The following STOX1 variants were observed in gnomAD, a reference collection of about 807,000 sequenced individuals.
The protein encoded by STOX1 is storkhead-box protein 1.
A neutral mutation model predicts 74.8 loss-of-function variants in STOX1; 57 were observed. The observed-to-expected ratio is 0.76, with a 90% CI of 0.62 to 0.95. The LOEUF (loss-of-function observed/expected upper bound fraction) is 0.95, where lower values mean the gene tolerates loss of function less well. Among genes scored for constraint, STOX1 ranks in the 40% least tolerant of loss-of-function variants. The probability of loss-of-function intolerance (pLI) is 0.00; values close to 1 mark genes in which losing one functional copy is unlikely to be tolerated. For missense variants in STOX1, 1,010 were observed against 1,117.0 expected (o/e 0.90, Z 1.37); for synonymous variants, 375 against 401.3 (o/e 0.93, Z 0.78).
chr10:68,856,099 G>C (rs1460788116), intron 1 of STOX1, among the ~76,000 whole-genome samples: 2 of 152,094 alleles, frequency 1.3e-5, no homozygotes, highest in East Asian at 3.9e-4. Context: ...CAGGGTAGCA[G>C]GTTGGGAGAG....
chr10:68,887,343 C>T (rs1189942166), intron 3 of STOX1, among the ~76,000 whole-genome samples: 1 of 151,586 alleles, frequency 6.6e-6, no homozygotes, highest in African/African-American at 2.4e-5. Context: ...AGTGCAATGG[C>T]GTGATCTCGG....
chr10:68,888,802 ATTTTTTTTTTTTTTT>A (rs35174437), intron 3 of STOX1, among the ~76,000 whole-genome samples: 12 of 32,066 alleles, frequency 3.7e-4, no homozygotes, highest in Admixed American at 2.9e-3. Context: ...TGCCCAGCTA[ATTTTTTTTTTTTTTT>A]TTTTTTTTTT....
At position 68,886,130 on chromosome 10, in the gene STOX1, T is replaced by C; in HGVS notation, c.2334T>C (p.Ser778=). 6.2e-7 allele frequency: 1 copy of C among 1,614,186 alleles called. No homozygotes were observed. Among genetic ancestry groups the C allele is most frequent in the Non-Finnish European group, 8.5e-7 (1 of 1,180,038 alleles). The change falls in exon 3 of 4, where the codon TCT becomes TCC. Residue 778 remains serine (S), a synonymous_variant. Transcript: ENST00000298596. ...HLGKQKVIER[S]LTEYNSTMER... ...GAAAACAAAAAGTGATTGAGAGATC[T>C]CTGACCGAGTACAACAGCACAATGG...
Position 68,827,717 on chromosome 10 carries a change from G to T in STOX1, c.94G>T (p.Gly32Cys). ...QKAAGAAEEPGGRAVFRAFRR... is the reference protein window; with the variant it reads ...QKAAGAAEEPCGRAVFRAFRR... ...GGCGGCGGGGGCCGCGGAGGAGCCT[G>T]GTGGGCGCGCGGTGTTCCGCGCTTT... The change falls in exon 1 of 4, where the codon GGT becomes TGT. Residue 32 changes from glycine (G) to cysteine (C), a missense_variant. Transcript: ENST00000298596. 1.1e-6 allele frequency: 1 copy of T among 894,852 alleles called. No individual in the cohort carries two copies. Among genetic ancestry groups the T allele is most frequent in the Non-Finnish European group, 1.4e-6 (1 of 720,156 alleles). The allele number at this position is 894,852 out of a possible 1,614,324, so 55.4% of individuals were successfully genotyped here. A position where few individuals can be genotyped will look rare whatever the true frequency, so the allele number is the denominator to read the frequency against.
intron 1 of STOX1, among the ~76,000 whole-genome samples, chr10:68,869,976 C>A (rs1259288435): frequency 2.0e-5 from 3 of 152,128 alleles, no homozygotes; most frequent in South Asian, 4.1e-4. Context: ...AGAGCAGAAT[C>A]TGGATTAGAA....
chr10:68,853,914 ACCTCAGGTGATATG>A, intron 1 of STOX1, among the ~76,000 whole-genome samples: 1 of 151,096 alleles, frequency 6.6e-6, no homozygotes, highest in East Asian at 1.9e-4. Context: ...CAAACTCCCG[ACCTCAGGTGATATG>A]CCTGTCTTGG....
At position 68,884,399 on chromosome 10, in the gene STOX1, A is replaced by G. The variant is rs1840885255; in HGVS notation, c.603A>G (p.Glu201=). The G allele has an allele frequency of 6.2e-7, 1 of 1,614,052 alleles. No homozygotes were observed. Among genetic ancestry groups the G allele is most frequent in the African/African-American group, 1.3e-5 (1 of 74,946 alleles). ...TYFITNTTTQ[E]NKRMLPSDES... is the part of the protein sequence containing the mutation. ...TCATTACAAATACAACCACCCAGGA[A>G]AATAAGAGAATGCTGCCATCAGATG... is the stretch of plus-strand genomic sequence containing the variant. The change falls in exon 3 of 4, where the codon GAA becomes GAG. Residue 201 remains glutamate (E), a synonymous_variant. Transcript: ENST00000298596.
chr10:68,882,145 C>CTGTATG (rs539288079), intron 2 of STOX1, 35 bp downstream of exon 2: 279 of 1,594,938 alleles, frequency 1.7e-4, no homozygotes, highest in Non-Finnish European at 2.3e-4. Context: ...TTGTACTTCA[C>CTGTATG]TGTATGTGTT....
chr10:68,883,568 C>T (rs1840863475), intron 2 of STOX1, among the ~76,000 whole-genome samples: 1 of 152,064 alleles, frequency 6.6e-6, no homozygotes, highest in Admixed American at 6.6e-5. Flanking sequence ...CACCCGCCAC[C>T]ATGCCCTGCT....
At chr10:68,844,641 GA>G (rs1286275942) in intron 1 of STOX1, among the ~76,000 whole-genome samples, 1 of 152,040 alleles carries the variant, frequency 6.6e-6, no homozygotes, top group Non-Finnish European at 1.5e-5. Flanking sequence ...TTTTGCCCAT[GA>G]AAAAAGTTTT....
In STOX1 at chr10:68,885,501, C is replaced by A; in HGVS notation, c.1705C>A (p.Pro569Thr). 6.2e-7 allele frequency: 1 copy of A among 1,614,134 alleles called. No individual in the cohort carries two copies. Among genetic ancestry groups the A allele is most frequent in the Non-Finnish European group, 8.5e-7 (1 of 1,180,038 alleles). Residue 569 changes from proline to threonine, a missense_variant, in exon 3 of 4, where the codon CCT (proline) becomes ACT (threonine). By Grantham distance (38) the Pro-to-Thr change is conservative. Coordinates refer to ENST00000298596, the MANE Select transcript of STOX1 (RefSeq NM_152709.5). ...AGCAGAATCCATTTACATAAATGAC[C>A]CTACTGTCAAACCCATCAATGATGA... ...MEAESIYINDPTVKPINDDFR... is the reference protein window; with the variant it reads ...MEAESIYINDTTVKPINDDFR...
At chr10:68,833,071 C>T (rs910904853) in intron 1 of STOX1, among the ~76,000 whole-genome samples, 3 of 148,018 alleles carry the variant, frequency 2.0e-5, no homozygotes, top group African/African-American at 7.5e-5. Flanking sequence ...TGCCTAGCCA[C>T]TTCTGTGGGT....
intron 1 of STOX1, among the ~76,000 whole-genome samples, chr10:68,855,207 G>A (rs1428374960): frequency 1.4e-5 from 2 of 146,920 alleles, no homozygotes; most frequent in Non-Finnish European, 3.0e-5. Flanking sequence ...TGCAACCTCC[G>A]TCTCCTGGGT....
intron 1 of STOX1, chr10:68,847,033 CTG>C (rs1412078629): frequency 6.6e-6 from 1 of 152,156 alleles, no homozygotes; most frequent in Admixed American, 6.5e-5. Flanking sequence ...GTTTCTAATT[CTG>C]TTACAAATGT....
At chr10:68,872,842 CCAAGAG>C (rs1291333607) in intron 1 of STOX1, among the ~76,000 whole-genome samples, 1 of 151,888 alleles carries the variant, frequency 6.6e-6, no homozygotes, top group Non-Finnish European at 1.5e-5. Context: ...AATTTAAATT[CCAAGAG>C]CAGACCCTCT....
chr10:68,886,621 A>G lies in STOX1; in HGVS notation c.2822+3A>G. ...GATAGTGGAATAGATTCTCCACGGT[A>G]GGTCCATACAAAAGTGTCTGATTTA... is the stretch of plus-strand genomic sequence containing the variant. On this transcript the variant is annotated splice_donor_region_variant and intron_variant, in intron 3 of 3. Coordinates refer to ENST00000298596, the MANE Select transcript of STOX1 (RefSeq NM_152709.5). 1 of 1,613,756 alleles carries G rather than the reference A, an allele frequency of 6.2e-7. No individual in the cohort carries two copies. Among genetic ancestry groups the G allele is most frequent in the Non-Finnish European group, 8.5e-7 (1 of 1,179,862 alleles).
Position 68,885,551 on chromosome 10 carries a change from C to A in STOX1, c.1755C>A (p.His585Gln). ...ACTTCAGAGGTCACCTCTTCAGTCA[C>A]CCTCAACAGAGCATGTTGCAAAATG... ...NDDFRGHLFSHPQQSMLQNDG... is the reference protein window; with the variant it reads ...NDDFRGHLFSQPQQSMLQNDG... The change falls in exon 3 of 4, where the codon CAC (histidine) becomes CAA (glutamine). Residue 585 changes from histidine (H) to glutamine (Q), a missense_variant. By Grantham distance (24) the His-to-Gln change is conservative. Coordinates refer to ENST00000298596, the MANE Select transcript of STOX1 (RefSeq NM_152709.5). 6.2e-7 allele frequency: 1 copy of A among 1,614,188 alleles called. No homozygotes were observed. Among genetic ancestry groups the A allele is most frequent in the South Asian group, 1.1e-5 (1 of 91,082 alleles).
chr10:68,884,368 C>A lies in STOX1; in HGVS notation c.572C>A (p.Thr191Asn), dbSNP rs746129386. 7 of 1,614,132 alleles carry A rather than the reference C, an allele frequency of 4.3e-6. No homozygotes were observed. Among genetic ancestry groups the A allele is most frequent in the African/African-American group, 2.7e-5 (2 of 75,052 alleles). The change falls in exon 3 of 4, where the codon ACT (threonine) becomes AAT (asparagine). Residue 191 changes from threonine (T) to asparagine (N), a missense_variant. Physicochemically the swap from Thr to Asn is moderately conservative, Grantham distance 65 (BLOSUM62 0). Transcript: ENST00000298596. ...GGATACTTCATAGTTACTCCTCAGA[C>A]TTACTTCATTACAAATACAACCACC... ...GEGYFIVTPQ[T>N]YFITNTTTQE...
intron 1 of STOX1, among the ~76,000 whole-genome samples, chr10:68,858,270 A>T (rs978324554): frequency 5.3e-5 from 8 of 152,118 alleles, no homozygotes; most frequent in African/African-American, 1.9e-4. Context: ...TCCCACGTAG[A>T]GATCAGAGCT....
Sources: gnomAD v4.1 joint callset for allele counts (sites outside exome capture counted in the v4.1 genomes callset) on GRCh38, gnomAD v4.1.1 for gene constraint, MANE v1.5 for transcripts, NCBI Gene and HGNC (gene_info 2026-07-23, HGNC 2026-07-21) for gene names.